Variants in DECR1 observed in about 807,000 individuals in gnomAD.
DECR1 encodes the protein 2,4-dienoyl-CoA reductase [(3E)-enoyl-CoA-producing], mitochondrial.
A neutral mutation model predicts 38.8 loss-of-function variants in DECR1; 44 were observed. The observed-to-expected ratio is 1.13, with a 90% confidence interval of 0.89 to 1.46. The LOEUF (loss-of-function observed/expected upper bound fraction) is 1.46. DECR1 is among the 40% of genes most tolerant of loss of function. The pLI is 0.00. For synonymous variants in DECR1, 148 were observed against 135.2 expected (o/e 1.09, Z -0.66); for missense variants, 428 against 405.5 (o/e 1.06, Z -0.48).
chr8:90,013,559 A>G (rs1404963792), intron 1 of DECR1, among the ~76,000 whole-genome samples: 1 of 152,022 alleles, frequency 6.6e-6, no homozygotes, highest in Non-Finnish European at 1.5e-5. Context: ...TCGGGGCTGG[A>G]CAGAGCTCAG....
chr8:90,040,380 G>T (rs1054424547), intron 6 of DECR1, among the ~76,000 whole-genome samples: 1 of 152,098 alleles, frequency 6.6e-6, no homozygotes, highest in Non-Finnish European at 1.5e-5. Flanking sequence ...TTGAGATTAC[G>T]TGTACCCTAT....
At chr8:90,042,531 C>T in intron 6 of DECR1, 197 bp from the exon 7 acceptor site, 1 of 578,254 alleles carries the variant, frequency 1.7e-6, no homozygotes, top group East Asian at 2.9e-5. Context: ...GACAAATTGG[C>T]CATATGACAT....
chr8:90,013,985 A>G (rs1812948601), intron 1 of DECR1, among the ~76,000 whole-genome samples: 1 of 152,134 alleles, frequency 6.6e-6, no homozygotes, highest in Non-Finnish European at 1.5e-5. Flanking sequence ...AGGGATGAGT[A>G]TGGTGAGGAA....
At chr8:90,033,768 G>T (rs556780729) in intron 5 of DECR1, among the ~76,000 whole-genome samples, 6 of 152,288 alleles carry the variant, frequency 3.9e-5, no homozygotes, top group East Asian at 1.9e-4. Flanking sequence ...CATCTAAATT[G>T]TAGTAGGATG....
At chr8:90,002,399 C>T (rs568365292) in intron 1 of DECR1, among the ~76,000 whole-genome samples, 1 of 152,166 alleles carries the variant, frequency 6.6e-6, no homozygotes, top group Non-Finnish European at 1.5e-5. Flanking sequence ...CCCCCTCTCT[C>T]TGGCCCACAC....
chr8:90,010,816 T>C (rs1805861), intron 1 of DECR1, among the ~76,000 whole-genome samples: 10,226 of 152,312 alleles, frequency 0.067, 581 homozygotes, highest in African/African-American at 0.15. Context: ...GTAGTTATGC[T>C]TCAAGTAAGG....
chr8:90,020,868 C>T, intron 4 of DECR1, 41 bp from the exon 5 acceptor site: 6 of 1,463,390 alleles, frequency 4.1e-6, no homozygotes, highest in South Asian at 1.5e-5. Context: ...AATGTTTTTC[C>T]TCATCTAAAG....
intron 8 of DECR1, among the ~76,000 whole-genome samples, chr8:90,051,030 G>A (rs1814071997): frequency 6.6e-6 from 1 of 152,138 alleles, no homozygotes; most frequent in Admixed American, 6.5e-5. Flanking sequence ...GTCGTGGGGT[G>A]GGAGGAGCGG....
Position 90,006,312 on chromosome 8 carries a change from T to C in DECR1, c.69+4751T>C, listed in dbSNP as rs1303343158. On this transcript the variant is annotated intron_variant, in intron 1 of 9. Coordinates refer to ENST00000220764, the MANE Select transcript of DECR1 (RefSeq NM_001359.2). ...GTTTTATGAGAGTGTTGTTGTTTGG[T>C]ATATATCAAAGCTGAGACCTGAAAG... 4.3e-6 allele frequency: 3 copies of C among 704,054 alleles called. No individual in the cohort carries two copies. In the South Asian group the frequency reaches 4.4e-5, roughly 10 times the overall value. The allele number at this position is 704,054 out of a possible 1,614,324, so 43.6% of individuals were successfully genotyped here.
intron 5 of DECR1, among the ~76,000 whole-genome samples, chr8:90,027,098 A>G (rs1358536673): frequency 6.6e-6 from 1 of 152,066 alleles, no homozygotes; most frequent in Non-Finnish European, 1.5e-5. Context: ...AGTTTGTTAT[A>G]ATTTCTGTTC....
At chr8:90,025,109 G>A (rs1395008017) in intron 5 of DECR1, among the ~76,000 whole-genome samples, 2 of 152,186 alleles carry the variant, frequency 1.3e-5, no homozygotes, top group East Asian at 1.9e-4. Context: ...GTACCATGCT[G>A]TTTTGGTTCC....
At position 90,001,663 on chromosome 8, in the gene DECR1, C is replaced by T. The variant is rs764063122; in HGVS notation, c.69+102C>T. 55 of 1,101,170 alleles carry T rather than the reference C, an allele frequency of 5.0e-5. No individual in the cohort carries two copies. In the Admixed American group the frequency reaches 7.4e-4, roughly 15 times the overall value. The allele number at this position is 1,101,170 out of a possible 1,614,324, so 68.2% of individuals were successfully genotyped here. On this transcript the variant is annotated intron_variant, in intron 1 of 9. Transcript: ENST00000220764. ...GCTCGGGGAGCGAGGACAAGGCATC[C>T]TGGGGCGCAAAGAGAGAGGACAGGG...
At chr8:90,029,692 C>G (rs774083064) in intron 5 of DECR1, among the ~76,000 whole-genome samples, 19 of 152,120 alleles carry the variant, frequency 1.2e-4, no homozygotes, top group Non-Finnish European at 2.4e-4. Context: ...CTTCTGGAGT[C>G]CCTGATGTGT....
chr8:90,051,301 TAAAG>T (rs954317419), intron 8 of DECR1, among the ~76,000 whole-genome samples: 1 of 150,064 alleles, frequency 6.7e-6, no homozygotes, highest in Non-Finnish European at 1.5e-5. Flanking sequence ...GCAATAGAGA[TAAAG>T]AGAGGGAGAG....
intron 5 of DECR1, among the ~76,000 whole-genome samples, chr8:90,035,133 G>A (rs868837763): frequency 6.6e-6 from 1 of 151,956 alleles, no homozygotes; most frequent in Non-Finnish European, 1.5e-5. Flanking sequence ...TTTACCTTTG[G>A]CTGCAATTAG....
Position 90,017,255 on chromosome 8 carries a change from A to T in DECR1, c.201A>T (p.Gly67=). The T allele has an allele frequency of 6.2e-7, 1 of 1,614,088 alleles. No individual in the cohort carries two copies. Among genetic ancestry groups the T allele is most frequent in the Middle Eastern group, 1.6e-4 (1 of 6,062 alleles). Residue 67 remains glycine (G), a synonymous_variant, in exon 2 of 10, where the codon GGA becomes GGT. Coordinates refer to ENST00000220764, the MANE Select transcript of DECR1 (RefSeq NM_001359.2). ...FQGKVAFITG[G]GTGLGKGMTT... ...GAAAAGTGGCATTCATTACTGGGGGAGGTACTGGCCTTGGTAAAGGAATGA... is the reference window on the plus strand; with the variant it reads ...GAAAAGTGGCATTCATTACTGGGGGTGGTACTGGCCTTGGTAAAGGAATGA...
chr8:90,001,888 A>G (rs1223980289), intron 1 of DECR1, among the ~76,000 whole-genome samples: 2 of 150,624 alleles, frequency 1.3e-5, no homozygotes, highest in Admixed American at 1.3e-4. Flanking sequence ...GGCGCAAGAG[A>G]AAGGGCAGGA....
intron 1 of DECR1, chr8:90,005,404 G>C (rs1188554395): frequency 2.8e-5 from 13 of 456,166 alleles, no homozygotes; most frequent in Non-Finnish European, 5.7e-5. Flanking sequence ...GGGTGTTCTT[G>C]CTTTTGGATG....
At chr8:90,026,644 A>G (rs1008879598) in intron 5 of DECR1, among the ~76,000 whole-genome samples, 2 of 152,056 alleles carry the variant, frequency 1.3e-5, no homozygotes, top group African/African-American at 2.4e-5. Context: ...CTGGCAGTCT[A>G]TCAATTTTGT....
Sources: gnomAD v4.1 joint callset for allele counts (sites outside exome capture counted in the v4.1 genomes callset) on GRCh38, gnomAD v4.1.1 for gene constraint, MANE v1.5 for transcripts, NCBI Gene and HGNC (gene_info 2026-07-23, HGNC 2026-07-21) for gene names.